The following MIPOL1 variants were observed in gnomAD, a reference collection of about 807,000 sequenced individuals.
MIPOL1 encodes mirror-image polydactyly 1.
A neutral mutation model predicts 60.9 loss-of-function variants in MIPOL1; 57 were observed. That is an observed-to-expected ratio of 0.94 (90% CI 0.76 to 1.17). The LOEUF is 1.17. MIPOL1 is among the 50% of genes most tolerant of loss of function. MIPOL1 has a pLI of 0.00. For missense variants in MIPOL1, 551 were observed against 511.6 expected (o/e 1.08, Z -0.74); for synonymous variants, 179 against 168.8 (o/e 1.06, Z -0.47).
rs190482079 is a variant in MIPOL1, at chr14:37,528,958, G to A, written c.1263-17947G>A. Among the ~76,000 whole-genome samples the A allele has an allele frequency of 5.3e-5, 8 of 152,290 alleles. 1 individual carries two copies. In the East Asian group the frequency reaches 5.8e-4, roughly 11 times the overall value. ...GTAAGCATGTCAAAATAGTGGACCA[G>A]AGTTTTTGACAGATTAATGTGAGTG... On this transcript the variant is annotated intron_variant, in intron 12 of 12. Coordinates refer to ENST00000684589, the MANE Select transcript of MIPOL1 (RefSeq NM_001388067.1).
In MIPOL1 at chr14:37,540,300, C is replaced by T. The variant is rs533537068; in HGVS notation, c.1263-6605C>T. On this transcript the variant is annotated intron_variant, in intron 12 of 12. Transcript: ENST00000684589. ...TTCATTCTTCAGTCTTTTTCAGATA[C>T]GAAGTCTTCTTACCTTTCTCTTATC... is the stretch of plus-strand genomic sequence containing the variant. 1.2e-4 allele frequency among the ~76,000 whole-genome samples: 19 copies of T among 152,270 alleles called. No homozygotes were observed. In the South Asian group the frequency reaches 2.1e-3, roughly 17 times the overall value.
At chr14:37,287,304 T>C (rs967950632) in intron 7 of MIPOL1, among the ~76,000 whole-genome samples, 18 of 152,068 alleles carry the variant, frequency 1.2e-4, no homozygotes, top group Non-Finnish European at 1.6e-4. Flanking sequence ...TGGAGTGCAG[T>C]GGTGCAATCA....
At chr14:37,541,504 A>C (rs1446780453) in intron 12 of MIPOL1, among the ~76,000 whole-genome samples, 3 of 152,228 alleles carry the variant, frequency 2.0e-5, no homozygotes, top group Non-Finnish European at 4.4e-5. Context: ...ATGATGGTTT[A>C]TGTCTTCTAC....
chr14:37,444,725 C>A (rs1468645392), intron 11 of MIPOL1, among the ~76,000 whole-genome samples: 1 of 152,132 alleles, frequency 6.6e-6, no homozygotes, highest in Non-Finnish European at 1.5e-5. Flanking sequence ...AGCTTATCCA[C>A]CATGACCAAG....
intron 11 of MIPOL1, among the ~76,000 whole-genome samples, chr14:37,496,062 A>C (rs372730933): frequency 0.011 from 1,687 of 151,870 alleles, 30 homozygotes; most frequent in East Asian, 0.072. Context: ...TGAAAATTTT[A>C]TCCCATTTTG....
intron 3 of MIPOL1, among the ~76,000 whole-genome samples, chr14:37,249,670 G>T (rs766240054): frequency 2.6e-5 from 4 of 151,974 alleles, no homozygotes; most frequent in African/African-American, 9.7e-5. Flanking sequence ...ACTTAATTTT[G>T]GTGTGCTCTA....
At chr14:37,463,265 G>A (rs2094560611) in intron 11 of MIPOL1, among the ~76,000 whole-genome samples, 1 of 152,080 alleles carries the variant, frequency 6.6e-6, no homozygotes, top group African/African-American at 2.4e-5. Flanking sequence ...ACTGTCAGAA[G>A]AACAGCACAG....
At chr14:37,370,743 T>C (rs546271510) in intron 10 of MIPOL1, among the ~76,000 whole-genome samples, 1 of 152,310 alleles carries the variant, frequency 6.6e-6, no homozygotes, top group Admixed American at 6.5e-5. Context: ...TTTTCTTCTT[T>C]AGATAGATGA....
chr14:37,433,047 T>C (rs1440533747), intron 11 of MIPOL1, among the ~76,000 whole-genome samples: 4 of 152,166 alleles, frequency 2.6e-5, no homozygotes, highest in Non-Finnish European at 5.9e-5. Context: ...AGTGAAGGGC[T>C]GATGTTGTAC....
intron 10 of MIPOL1, among the ~76,000 whole-genome samples, chr14:37,410,308 G>A (rs2093660437): frequency 6.6e-6 from 1 of 152,068 alleles, no homozygotes; most frequent in Non-Finnish European, 1.5e-5. Context: ...GTATAGATAT[G>A]TAACAAACCT....
chr14:37,416,417 T>A (rs1481411492), intron 10 of MIPOL1, among the ~76,000 whole-genome samples: 1 of 152,108 alleles, frequency 6.6e-6, no homozygotes, highest in African/African-American at 2.4e-5. Context: ...TACACAAACC[T>A]AGGTAGTATA....
chr14:37,357,285 C>A (rs1265935565), intron 9 of MIPOL1, among the ~76,000 whole-genome samples: 1 of 152,138 alleles, frequency 6.6e-6, no homozygotes, highest in African/African-American at 2.4e-5. Context: ...TTGATTGTTT[C>A]CTATGCTGTG....
At chr14:37,259,837 T>G (rs1398889978) in intron 3 of MIPOL1, among the ~76,000 whole-genome samples, 3 of 152,138 alleles carry the variant, frequency 2.0e-5, no homozygotes, top group Admixed American at 2.0e-4. Flanking sequence ...ATTTGAGCAA[T>G]GTATCTTTTG....
chr14:37,475,495 C>G (rs989081250), intron 11 of MIPOL1, among the ~76,000 whole-genome samples: 2 of 152,022 alleles, frequency 1.3e-5, no homozygotes, highest in Admixed American at 1.3e-4. Flanking sequence ...AACTGATCAT[C>G]AAGCCCAAGG....
intron 10 of MIPOL1, among the ~76,000 whole-genome samples, chr14:37,375,903 A>AT (rs903603515): frequency 6.7e-5 from 10 of 150,366 alleles, no homozygotes; most frequent in Admixed American, 2.0e-4. Context: ...CCATATCTCC[A>AT]TTTTTTTTCC....
intron 12 of MIPOL1, among the ~76,000 whole-genome samples, chr14:37,531,788 A>G (rs1483325692): frequency 5.3e-5 from 8 of 152,170 alleles, no homozygotes; most frequent in Non-Finnish European, 1.2e-4. Flanking sequence ...ATTAAGATGA[A>G]ACAATAATTT....
chr14:37,398,351 C>G (rs904945717), intron 10 of MIPOL1, among the ~76,000 whole-genome samples: 5 of 152,154 alleles, frequency 3.3e-5, no homozygotes, highest in Non-Finnish European at 5.9e-5. Context: ...CAGGAGCACT[C>G]TACTTCCTTC....
chr14:37,486,250 A>C (rs987933413), intron 11 of MIPOL1, among the ~76,000 whole-genome samples: 27 of 152,158 alleles, frequency 1.8e-4, no homozygotes, highest in African/African-American at 5.3e-4. Flanking sequence ...CTTGTAGTAC[A>C]ATTTGAAGTC....
intron 1 of MIPOL1, among the ~76,000 whole-genome samples, chr14:37,200,093 T>C (rs1964984573): frequency 6.6e-6 from 1 of 152,198 alleles, no homozygotes; most frequent in African/African-American, 2.4e-5. Context: ...GAACACATAT[T>C]CATGTGTTTA....
Sources: gnomAD v4.1 joint callset for allele counts (sites outside exome capture counted in the v4.1 genomes callset) on GRCh38, gnomAD v4.1.1 for gene constraint, MANE v1.5 for transcripts, NCBI Gene and HGNC (gene_info 2026-07-23, HGNC 2026-07-21) for gene names.